Variants in COG7 observed in about 807,000 individuals in gnomAD.
COG7 encodes the protein component of oligomeric golgi complex 7, also known as conserved oligomeric Golgi complex subunit 7.
A neutral mutation model predicts 91.5 loss-of-function variants in COG7; 49 were observed. The observed-to-expected ratio is 0.54, with a 90% CI of 0.43 to 0.68. The LOEUF (loss-of-function observed/expected upper bound fraction) is 0.68, where lower values mean the gene tolerates loss of function less well. COG7 is among the 30% of genes least tolerant of loss of function. The probability of loss-of-function intolerance (pLI) is 0.00; values close to 1 mark genes in which losing one functional copy is unlikely to be tolerated. For missense variants in COG7, 895 were observed against 961.3 expected (o/e 0.93, Z 0.91); for synonymous variants, 365 against 388.7 (o/e 0.94, Z 0.72).
At chr16:23,409,088 T>TGTGC (rs567307217) in intron 11 of COG7, among the ~76,000 whole-genome samples, 8 of 147,806 alleles carry the variant, frequency 5.4e-5, no homozygotes, top group African/African-American at 1.8e-4. Flanking sequence ...TGTGTGTGTG[T>TGTGC]GCGTGCATGT....
chr16:23,405,990 G>A (rs1283864224), intron 12 of COG7, 86 bp downstream of exon 12: 33 of 1,258,074 alleles, frequency 2.6e-5, no homozygotes, highest in Non-Finnish European at 3.8e-5. Context: ...CCACACACAG[G>A]GCCCGCCTGT....
Position 23,419,128 on chromosome 16 carries a change from G to A in COG7, c.1010-301C>T, listed in dbSNP as rs112398626. Reference sequence around the variant, plus strand: ...CTTCAAAAGATAACCCTCATTGGCCGGGCGTGGTGGCTCACGCCTGTAATC... The same window carrying A: ...CTTCAAAAGATAACCCTCATTGGCCAGGCGTGGTGGCTCACGCCTGTAATC... On this transcript the variant is annotated intron_variant, in intron 7 of 16. Coordinates refer to ENST00000307149, the MANE Select transcript of COG7 (RefSeq NM_153603.4). Among the ~76,000 whole-genome samples the A allele has an allele frequency of 5.6e-4, 86 of 152,294 alleles. No individual in the cohort carries two copies. In the East Asian group the frequency reaches 0.015, roughly 26 times the overall value.
In COG7 at chr16:23,394,964, C is replaced by A. The variant is rs528527497; in HGVS notation, c.1888-1617G>T. Reference sequence around the variant, plus strand: ...GGGATTACAAGTGCCCACCACCACACCTGGCTAATTTTTTTTGTATTTTTA... The same window carrying A: ...GGGATTACAAGTGCCCACCACCACAACTGGCTAATTTTTTTTGTATTTTTA... On this transcript the variant is annotated intron_variant, in intron 14 of 16. Coordinates refer to ENST00000307149, the MANE Select transcript of COG7 (RefSeq NM_153603.4). 3.3e-5 allele frequency: 5 copies of A among 152,178 alleles called. No individual in the cohort carries two copies. In the South Asian group the frequency reaches 1.0e-3, roughly 32 times the overall value. The allele number at this position is 152,178 out of a possible 1,614,324, so 9.4% of individuals were successfully genotyped here.
intron 4 of COG7, among the ~76,000 whole-genome samples, chr16:23,435,715 T>C (rs1964003622): frequency 6.6e-6 from 1 of 152,214 alleles, no homozygotes; most frequent in South Asian, 2.1e-4. Context: ...TCCAAACTTC[T>C]TATATTTGCT....
chr16:23,404,450 C>T (rs1963426911), intron 12 of COG7, among the ~76,000 whole-genome samples: 1 of 152,206 alleles, frequency 6.6e-6, no homozygotes, highest in African/African-American at 2.4e-5. Flanking sequence ...ATCACAGAAG[C>T]ATGGATGAAT....
chr16:23,452,759 A>G (rs1596964022), intron 1 of COG7, 67 bp downstream of exon 1: 23 of 1,549,084 alleles, frequency 1.5e-5, no homozygotes, highest in Middle Eastern at 2.2e-4. Context: ...GCCTCACGCA[A>G]GTTCGGTGAC....
At chr16:23,399,380 G>A (rs1419293923) in intron 13 of COG7, among the ~76,000 whole-genome samples, 2 of 152,124 alleles carry the variant, frequency 1.3e-5, no homozygotes, top group African/African-American at 2.4e-5. Flanking sequence ...CCAATCCAGC[G>A]AGAAGGAACA....
intron 6 of COG7, among the ~76,000 whole-genome samples, chr16:23,432,291 T>C (rs1023865875): frequency 2.0e-5 from 3 of 152,194 alleles, no homozygotes; most frequent in African/African-American, 7.2e-5. Context: ...GTCAAATTCA[T>C]TCCAGCAAAT....
intron 9 of COG7, chr16:23,414,670 A>G (rs1963624072): frequency 6.6e-6 from 1 of 152,306 alleles, no homozygotes; most frequent in South Asian, 2.1e-4. Flanking sequence ...TGCTGCTGCT[A>G]GACTTTAAGC....
chr16:23,440,085 CAAA>C (rs11294739), intron 4 of COG7, among the ~76,000 whole-genome samples: 5 of 79,286 alleles, frequency 6.3e-5, no homozygotes, highest in African/African-American at 8.2e-5. Context: ...CCCATCTATA[CAAA>C]AAAAAAAAAA....
At chr16:23,404,894 T>C (rs1963434791) in intron 12 of COG7, among the ~76,000 whole-genome samples, 1 of 152,198 alleles carries the variant, frequency 6.6e-6, no homozygotes, top group Non-Finnish European at 1.5e-5. Context: ...CACTCCAGCC[T>C]AGGCGACAGA....
intron 1 of COG7, among the ~76,000 whole-genome samples, chr16:23,451,627 A>G (rs1964266883): frequency 6.6e-6 from 1 of 150,966 alleles, no homozygotes. Flanking sequence ...GGCTGAGGCG[A>G]GCGGACTGCT....
intron 11 of COG7, among the ~76,000 whole-genome samples, chr16:23,408,693 C>A (rs1338256478): frequency 6.6e-6 from 1 of 151,884 alleles, no homozygotes; most frequent in Non-Finnish European, 1.5e-5. Flanking sequence ...GCGTGACTTT[C>A]GGGAGTGAAT....
At position 23,442,648 on chromosome 16, in the gene COG7, A is replaced by C; in HGVS notation, c.436-3T>G. ...TTGGCAGAAATCACAGCTATGTCCT[A>C]GAAAAGACCAGAATAGAGAATATTT... On this transcript the variant is annotated splice_region_variant and splice_polypyrimidine_tract_variant and intron_variant, in intron 3 of 16. Coordinates refer to ENST00000307149, the MANE Select transcript of COG7 (RefSeq NM_153603.4). The C allele has an allele frequency of 1.2e-6, 2 of 1,609,956 alleles. No individual in the cohort carries two copies. Among genetic ancestry groups the C allele is most frequent in the African/African-American group, 1.3e-5 (1 of 75,006 alleles).
In COG7 at chr16:23,445,801, G is replaced by T. The variant is rs1311015888; in HGVS notation, c.318+12C>A. On this transcript the variant is annotated intron_variant, in intron 2 of 16. Coordinates refer to ENST00000307149, the MANE Select transcript of COG7 (RefSeq NM_153603.4). ...CACCATTTACAACAGGAGCCAAAAG[G>T]AGCCAAAATACCTGCATGGATTGAG... 1 of 1,613,622 alleles carries T rather than the reference G, an allele frequency of 6.2e-7. No homozygotes were observed. The highest frequency in any genetic ancestry group is 1.3e-5 in the African/African-American group (1 of 74,956).
chr16:23,452,397 T>C (rs982782575), intron 1 of COG7, among the ~76,000 whole-genome samples: 1 of 152,068 alleles, frequency 6.6e-6, no homozygotes, highest in African/African-American at 2.4e-5. Flanking sequence ...TGAGATCCCA[T>C]CTCTACAATT....
intron 6 of COG7, 145 bp downstream of exon 6, chr16:23,433,400 A>AT: frequency 9.2e-7 from 1 of 1,092,572 alleles, no homozygotes; most frequent in Non-Finnish European, 1.4e-6. Flanking sequence ...CTAACTGGTT[A>AT]TTTTTTAACC....
At chr16:23,413,355 C>T in intron 10 of COG7, 93 bp downstream of exon 10, 2 of 815,534 alleles carry the variant, frequency 2.5e-6, no homozygotes, top group Non-Finnish European at 2.2e-6. Flanking sequence ...AAACGAACCC[C>T]TTCCAAACAC....
At position 23,442,376 on chromosome 16, in the gene COG7, T is replaced by C. The variant is rs953095975; in HGVS notation, c.604+101A>G. Reference sequence around the variant, plus strand: ...AAATTACAGAGTTCCTTCTAATCTATGTAATTCAATCACCATTAAGACATT... The same window carrying C: ...AAATTACAGAGTTCCTTCTAATCTACGTAATTCAATCACCATTAAGACATT... On this transcript the variant is annotated intron_variant, in intron 4 of 16. Transcript: ENST00000307149. 2.8e-5 allele frequency: 30 copies of C among 1,078,052 alleles called. No individual in the cohort carries two copies. The African/African-American group carries it at 3.9e-4, about 14-fold the overall frequency. 66.8% of individuals were successfully genotyped at this position (1,078,052 alleles called of 1,614,324 possible).
Sources: gnomAD v4.1 joint callset for allele counts (sites outside exome capture counted in the v4.1 genomes callset) on GRCh38, gnomAD v4.1.1 for gene constraint, MANE v1.5 for transcripts, NCBI Gene and HGNC (gene_info 2026-07-23, HGNC 2026-07-21) for gene names.